Variants in PUM2 observed in about 807,000 individuals in gnomAD.
PUM2 encodes pumilio RNA binding family member 2.
A neutral mutation model predicts 124.5 loss-of-function variants in PUM2; 57 were observed. The observed-to-expected ratio is 0.46, with a 90% CI of 0.37 to 0.57. The LOEUF (loss-of-function observed/expected upper bound fraction) is 0.57. Among genes scored for constraint, PUM2 ranks in the 20% least tolerant of loss-of-function variants. The probability of loss-of-function intolerance (pLI) is 0.00; values close to 1 mark genes in which losing one functional copy is unlikely to be tolerated. For synonymous variants in PUM2, 460 were observed against 446.1 expected, an observed-to-expected ratio of 1.03 and a Z score of -0.39; for missense variants, 1,065 against 1,290.6, an observed-to-expected ratio of 0.83 and a Z score of 2.68.
intron 1 of PUM2, among the ~76,000 whole-genome samples, chr2:20,334,475 C>T (rs1170908132): frequency 1.3e-5 from 2 of 152,080 alleles, no homozygotes; most frequent in African/African-American, 2.4e-5. Context: ...CTTTTATAAT[C>T]TTGTAATTAT....
intron 5 of PUM2, among the ~76,000 whole-genome samples, chr2:20,309,868 CACTT>C (rs1202196066): frequency 2.6e-5 from 4 of 152,230 alleles, no homozygotes; most frequent in African/African-American, 4.8e-5. Flanking sequence ...AACTTACACT[CACTT>C]AAACATCAAC....
intron 1 of PUM2, among the ~76,000 whole-genome samples, chr2:20,334,275 T>G (rs1280458896): frequency 6.6e-6 from 1 of 152,160 alleles, no homozygotes; most frequent in Non-Finnish European, 1.5e-5. Flanking sequence ...TCCGCTCCAC[T>G]GCACTCCAGA....
chr2:20,344,503 TTAGA>T (rs1056979290), intron 1 of PUM2, among the ~76,000 whole-genome samples: 2 of 152,192 alleles, frequency 1.3e-5, no homozygotes, highest in African/African-American at 4.8e-5. Context: ...ACTGTCCATA[TTAGA>T]TAAAGGACTT....
At chr2:20,314,451 G>A (rs1450052144) in intron 3 of PUM2, among the ~76,000 whole-genome samples, 3 of 152,160 alleles carry the variant, frequency 2.0e-5, no homozygotes, top group Admixed American at 6.5e-5. Context: ...AGATCTGAGA[G>A]TTAATGGAAT....
chr2:20,298,389 A>G (rs1676145367), intron 7 of PUM2, among the ~76,000 whole-genome samples: 1 of 152,216 alleles, frequency 6.6e-6, no homozygotes, highest in Non-Finnish European at 1.5e-5. Context: ...AAGGCCAGTT[A>G]CACTCACTTC....
At chr2:20,275,493 T>C (rs1265143691) in intron 13 of PUM2, among the ~76,000 whole-genome samples, 5 of 152,022 alleles carry the variant, frequency 3.3e-5, no homozygotes, top group Non-Finnish European at 7.4e-5. Flanking sequence ...AATAAATGAA[T>C]AAAGAATGAC....
intron 4 of PUM2, 39 bp from the exon 5 acceptor site, chr2:20,311,702 AG>A: frequency 7.6e-6 from 12 of 1,587,614 alleles, no homozygotes; most frequent in Non-Finnish European, 1.0e-5. Context: ...AATATTTAAT[AG>A]AACACAAAAA....
intron 8 of PUM2, among the ~76,000 whole-genome samples, chr2:20,294,876 C>CA (rs1558574743): frequency 6.6e-6 from 1 of 152,186 alleles, no homozygotes. Flanking sequence ...TCGTTTCTCT[C>CA]AGAGAATTTT....
intron 1 of PUM2, among the ~76,000 whole-genome samples, chr2:20,344,339 C>T (rs1030992446): frequency 5.3e-5 from 8 of 152,130 alleles, no homozygotes; most frequent in African/African-American, 1.9e-4. Context: ...AAGCGTTAGG[C>T]GCCCAGCCTC....
intron 9 of PUM2, among the ~76,000 whole-genome samples, chr2:20,292,748 T>C (rs1674507292): frequency 6.6e-6 from 1 of 152,098 alleles, no homozygotes; most frequent in Non-Finnish European, 1.5e-5. Context: ...CTGACCAACA[T>C]GGAGAAACCC....
chr2:20,284,578 T>G (rs946038405), intron 10 of PUM2, among the ~76,000 whole-genome samples: 20 of 151,712 alleles, frequency 1.3e-4, no homozygotes, highest in Admixed American at 1.2e-3. Flanking sequence ...GCCTAGTCTT[T>G]AACTCCTGGG....
upstream of PUM2, among the ~76,000 whole-genome samples, chr2:20,351,664 G>A (rs1689353197): frequency 6.6e-6 from 1 of 152,158 alleles, no homozygotes; most frequent in African/African-American, 2.4e-5. Flanking sequence ...TAACCTAACC[G>A]GCTCCAGGTC....
intron 12 of PUM2, among the ~76,000 whole-genome samples, chr2:20,281,299 C>T (rs2148873505): frequency 6.6e-6 from 1 of 152,190 alleles, no homozygotes; most frequent in South Asian, 2.1e-4. Flanking sequence ...TTTGGGGAAA[C>T]AGGGCATCTG....
Position 20,292,320 on chromosome 2 carries a change from G to T in PUM2, c.1153-1530C>A, listed in dbSNP as rs569199818. On this transcript the variant is annotated intron_variant, in intron 9 of 20. Transcript: ENST00000361078. ...AGTTTTTTTTTTTTTTTTCCCCAAAGATTTGTTTGGGAGTAGGAGGAATGG... is the reference window on the plus strand; with the variant it reads ...AGTTTTTTTTTTTTTTTTCCCCAAATATTTGTTTGGGAGTAGGAGGAATGG... Among the ~76,000 whole-genome samples, 6 of 149,304 alleles carry T rather than the reference G, an allele frequency of 4.0e-5. No homozygotes were observed. In the East Asian group the frequency reaches 9.9e-4, roughly 25 times the overall value.
At chr2:20,304,261 C>T (rs1677689044) in intron 7 of PUM2, among the ~76,000 whole-genome samples, 1 of 152,118 alleles carries the variant, frequency 6.6e-6, no homozygotes, top group South Asian at 2.1e-4. Context: ...ATTTACCCCC[C>T]TATGGATTCT....
chr2:20,267,148 G>A (rs528052979), intron 13 of PUM2, among the ~76,000 whole-genome samples: 126 of 151,596 alleles, frequency 8.3e-4, no homozygotes, highest in African/African-American at 2.9e-3. Context: ...TCAGCCTCCC[G>A]AGTAGCTGGG....
intron 13 of PUM2, among the ~76,000 whole-genome samples, chr2:20,268,748 T>C (rs1315599227): frequency 1.3e-5 from 2 of 152,184 alleles, no homozygotes; most frequent in Admixed American, 6.5e-5. Context: ...ATAGCATTTC[T>C]TTCCAGATTA....
chr2:20,301,626 G>C (rs115443384), intron 7 of PUM2, among the ~76,000 whole-genome samples: 2,185 of 151,702 alleles, frequency 0.014, 67 homozygotes, highest in African/African-American at 0.049. Flanking sequence ...TTGCTCTGTT[G>C]CCCAGGCTTG....
At chr2:20,258,473 T>C (rs1024195558) in intron 15 of PUM2, 102 bp from the exon 16 acceptor site, 6 of 1,178,134 alleles carry the variant, frequency 5.1e-6, no homozygotes, top group Admixed American at 2.3e-5. Flanking sequence ...TCAGTAACTA[T>C]GTAGGGCAGG....
Sources: gnomAD v4.1 joint callset for allele counts (sites outside exome capture counted in the v4.1 genomes callset) on GRCh38, gnomAD v4.1.1 for gene constraint, MANE v1.5 for transcripts, NCBI Gene and HGNC (gene_info 2026-07-23, HGNC 2026-07-21) for gene names.